Variants in PTPRG observed in about 807,000 individuals in gnomAD.
PTPRG encodes receptor-type tyrosine-protein phosphatase gamma.
PTPRG carries 102 observed loss-of-function variants against 165.3 expected under a neutral mutation model. The ratio of observed to expected loss-of-function variants is 0.62; its 90% confidence interval spans 0.53 to 0.73. The LOEUF is 0.73. Among genes scored for constraint, PTPRG ranks in the 30% least tolerant of loss-of-function variants. PTPRG has a pLI of 0.00. For missense variants in PTPRG, 1,866 were observed against 1,861.4 expected (o/e 1.00, Z -0.05); for synonymous variants, 675 against 669.5 (o/e 1.01, Z -0.13).
intron 1 of PTPRG, among the ~76,000 whole-genome samples, chr3:61,746,685 G>C (rs759321755): frequency 6.6e-6 from 1 of 152,158 alleles, no homozygotes; most frequent in Non-Finnish European, 1.5e-5. Flanking sequence ...CTGGGGCCAC[G>C]AGAATGGTTA....
intron 12 of PTPRG, among the ~76,000 whole-genome samples, chr3:62,207,061 C>A (rs1700249889): frequency 6.6e-6 from 1 of 151,892 alleles, no homozygotes; most frequent in Admixed American, 6.6e-5. Context: ...TCAAGCAGTT[C>A]AAGTCTGAAA....
intron 9 of PTPRG, among the ~76,000 whole-genome samples, chr3:62,193,517 T>C (rs1464532288): frequency 6.6e-6 from 1 of 152,244 alleles, no homozygotes; most frequent in Admixed American, 6.5e-5. Context: ...AGCTATTCTC[T>C]AACTCATCAT....
intron 1 of PTPRG, among the ~76,000 whole-genome samples, chr3:61,660,839 A>G: frequency 6.6e-6 from 1 of 152,118 alleles, no homozygotes; most frequent in Non-Finnish European, 1.5e-5. Flanking sequence ...CATCTCTACT[A>G]AAAACAGAAA....
intron 14 of PTPRG, among the ~76,000 whole-genome samples, chr3:62,242,485 C>A (rs781236968): frequency 2.6e-5 from 4 of 152,214 alleles, no homozygotes; most frequent in Non-Finnish European, 5.9e-5. Flanking sequence ...CTTAGAGCTA[C>A]TTTCCATCTG....
chr3:62,159,139 A>G (rs1319390943), intron 7 of PTPRG, among the ~76,000 whole-genome samples: 1 of 152,218 alleles, frequency 6.6e-6, no homozygotes, highest in East Asian at 1.9e-4. Flanking sequence ...AGCCTGGGCA[A>G]CATGGCAAGA....
At chr3:61,862,030 AC>A (rs1335924466) in intron 2 of PTPRG, among the ~76,000 whole-genome samples, 2 of 152,158 alleles carry the variant, frequency 1.3e-5, no homozygotes, top group African/African-American at 4.8e-5. Context: ...ACGGATTGGT[AC>A]CGGTCCCTGG....
intron 2 of PTPRG, among the ~76,000 whole-genome samples, chr3:61,759,506 A>AT (rs2033758358): frequency 6.6e-6 from 1 of 151,944 alleles, no homozygotes; most frequent in Non-Finnish European, 1.5e-5. Context: ...AAATTAAAAA[A>AT]TTAGCTGGGC....
chr3:62,069,319 G>A (rs1225918900), intron 4 of PTPRG, among the ~76,000 whole-genome samples: 4 of 152,034 alleles, frequency 2.6e-5, no homozygotes, highest in Non-Finnish European at 4.4e-5. Flanking sequence ...ATACAAATCC[G>A]GTCTTATTCT....
chr3:61,924,879 G>C (rs555372855), intron 2 of PTPRG, among the ~76,000 whole-genome samples: 31 of 152,298 alleles, frequency 2.0e-4, no homozygotes, highest in African/African-American at 6.3e-4. Flanking sequence ...GGTATTTGGA[G>C]GTGGGGCATT....
chr3:61,647,562 G>A (rs371010284), intron 1 of PTPRG, among the ~76,000 whole-genome samples: 12 of 152,122 alleles, frequency 7.9e-5, no homozygotes, highest in African/African-American at 1.7e-4. Context: ...AGGCCGAGGC[G>A]GGCGGATCAC....
chr3:61,781,688 AATT>A (rs1158875768), intron 2 of PTPRG, among the ~76,000 whole-genome samples: 2 of 152,098 alleles, frequency 1.3e-5, no homozygotes, highest in Non-Finnish European at 2.9e-5. Flanking sequence ...TTTTCAATTG[AATT>A]ATTATGAGAT....
intron 1 of PTPRG, among the ~76,000 whole-genome samples, chr3:61,669,609 A>G (rs1398579746): frequency 6.6e-6 from 1 of 152,194 alleles, no homozygotes; most frequent in Non-Finnish European, 1.5e-5. Flanking sequence ...TTGTTGAATG[A>G]ATGGATGTTT....
In PTPRG at chr3:62,273,009, C is replaced by CAA; in HGVS notation, c.3249_3250dup (p.Ser1084LysfsTer10). The CAA allele has an allele frequency of 6.2e-7, 1 of 1,613,756 alleles. No individual in the cohort carries two copies. The highest frequency in any genetic ancestry group is 8.5e-7 in the Non-Finnish European group (1 of 1,179,806). ...ACAGCATGCTGCAACAGATAAAAGACAAAAGCACAGTTAACGTCCTGGGAT... is the reference window on the plus strand; with the variant it reads ...ACAGCATGCTGCAACAGATAAAAGACAAAAAAGCACAGTTAACGTCCTGGGAT... On this transcript the variant is annotated frameshift_variant, in exon 22 of 30. Transcript: ENST00000474889. LOFTEE classifies it high-confidence loss of function. This position sits in a 1 kb window ranked among gnomAD's most constrained non-coding sequence, Gnocchi z 4.1.
At chr3:62,099,854 A>G (rs1436393465) in intron 5 of PTPRG, among the ~76,000 whole-genome samples, 3 of 131,296 alleles carry the variant, frequency 2.3e-5, no homozygotes, top group Non-Finnish European at 4.6e-5. Context: ...GCTGGAGTGC[A>G]GTGGCGCGAT....
intron 2 of PTPRG, among the ~76,000 whole-genome samples, chr3:61,785,950 C>A (rs2034685586): frequency 6.6e-6 from 1 of 152,116 alleles, no homozygotes; most frequent in African/African-American, 2.4e-5. Context: ...CTTCCCTGGG[C>A]CTGTCAGTAA....
intron 2 of PTPRG, among the ~76,000 whole-genome samples, chr3:61,752,016 A>T (rs2033453824): frequency 6.6e-6 from 1 of 152,102 alleles, no homozygotes; most frequent in African/African-American, 2.4e-5. Flanking sequence ...AGAAAACGTT[A>T]ACATAGTCTC....
At chr3:61,939,727 G>C (rs185320240) in intron 2 of PTPRG, among the ~76,000 whole-genome samples, 2 of 152,136 alleles carry the variant, frequency 1.3e-5, no homozygotes, top group Admixed American at 1.3e-4. Context: ...CATTTATTTT[G>C]CAAAGCTAAA....
intron 2 of PTPRG, among the ~76,000 whole-genome samples, chr3:61,901,632 A>G (rs72882267): frequency 1.3e-5 from 2 of 152,156 alleles, no homozygotes; most frequent in African/African-American, 2.4e-5. Flanking sequence ...TGTACTGTCT[A>G]TTGACTGGGC....
chr3:61,815,457 T>C (rs906538680), intron 2 of PTPRG, among the ~76,000 whole-genome samples: 2 of 152,110 alleles, frequency 1.3e-5, no homozygotes, highest in African/African-American at 4.8e-5. Context: ...TTTTACTGTC[T>C]TGATTGGCTT....
Sources: gnomAD v4.1 joint callset for allele counts (sites outside exome capture counted in the v4.1 genomes callset) on GRCh38, gnomAD v4.1.1 for gene constraint, Gnocchi (gnomAD v3.1) non-coding constraint, MANE v1.5 for transcripts, NCBI Gene and HGNC (gene_info 2026-07-23, HGNC 2026-07-21) for gene names.